Variants in MERTK observed in about 807,000 individuals in gnomAD.
MERTK encodes tyrosine-protein kinase Mer.
MERTK carries 69 observed loss-of-function variants against 99.3 expected under a neutral mutation model. The ratio of observed to expected loss-of-function variants is 0.70; its 90% CI spans 0.57 to 0.85. The LOEUF (loss-of-function observed/expected upper bound fraction) is 0.85, where lower values mean the gene tolerates loss of function less well. Ranked by LOEUF, MERTK falls within the 40% of genes least tolerant of loss-of-function variation. The pLI, the probability that MERTK is intolerant of heterozygous loss-of-function variation, is 0.00. For synonymous variants in MERTK, 426 were observed against 467.6 expected, an observed-to-expected ratio of 0.91 and a Z score of 1.15; for missense variants, 1,125 against 1,249.4, an observed-to-expected ratio of 0.90 and a Z score of 1.50.
chr2:112,008,979 A>G (rs1382681210), intron 14 of MERTK, among the ~76,000 whole-genome samples: 2 of 152,230 alleles, frequency 1.3e-5, no homozygotes, highest in Admixed American at 1.3e-4. Context: ...GATTTAACGT[A>G]ATTTGGCTTT....
intron 1 of MERTK, among the ~76,000 whole-genome samples, chr2:111,920,258 C>G (rs1002433619): frequency 6.6e-6 from 1 of 152,214 alleles, no homozygotes; most frequent in Non-Finnish European, 1.5e-5. Context: ...TGGGCTTTCA[C>G]TGGCACTTGG....
chr2:111,945,858 G>A (rs189835103), intron 3 of MERTK, among the ~76,000 whole-genome samples: 1 of 152,194 alleles, frequency 6.6e-6, no homozygotes, highest in African/African-American at 2.4e-5. Flanking sequence ...TCCCTCTGGG[G>A]GCCTTGTGCC....
At chr2:111,916,085 G>C (rs1386172522) in intron 1 of MERTK, among the ~76,000 whole-genome samples, 1 of 152,110 alleles carries the variant, frequency 6.6e-6, no homozygotes, top group Non-Finnish European at 1.5e-5. Flanking sequence ...TTGTTGGGAA[G>C]AGTGTTCTAT....
intron 13 of MERTK, among the ~76,000 whole-genome samples, chr2:112,006,987 C>A: frequency 6.6e-6 from 1 of 151,012 alleles, no homozygotes; most frequent in South Asian, 2.1e-4. Context: ...ACCCTGTTAA[C>A]GCAAATTCCC....
chr2:111,957,702 C>G (rs567895429), intron 4 of MERTK, among the ~76,000 whole-genome samples: 6 of 152,196 alleles, frequency 3.9e-5, no homozygotes, highest in African/African-American at 1.4e-4. Context: ...GCTTGTAGTA[C>G]ATACTCAGTA....
intron 1 of MERTK, among the ~76,000 whole-genome samples, chr2:111,928,002 G>A (rs1157179175): frequency 1.3e-5 from 2 of 152,066 alleles, no homozygotes; most frequent in Admixed American, 6.6e-5. Flanking sequence ...ATGCCACTCA[G>A]AAAGCTAAAA....
chr2:111,971,519 C>G (rs1321095495), intron 6 of MERTK, among the ~76,000 whole-genome samples: 5 of 152,020 alleles, frequency 3.3e-5, no homozygotes, highest in South Asian at 2.1e-4. Context: ...TGTTGTTGTT[C>G]ATCTCAAGTT....
intron 6 of MERTK, among the ~76,000 whole-genome samples, chr2:111,969,349 A>G (rs1344773657): frequency 6.6e-6 from 1 of 152,176 alleles, no homozygotes; most frequent in Non-Finnish European, 1.5e-5. Flanking sequence ...CTCAGGAGGG[A>G]CATCGCATCT....
At chr2:111,899,501 C>G (rs534534107) in intron 1 of MERTK, among the ~76,000 whole-genome samples, 2 of 151,992 alleles carry the variant, frequency 1.3e-5, no homozygotes, top group African/African-American at 2.4e-5. Context: ...CTGGATTCAG[C>G]GAAGTGTTGT....
chr2:111,944,903 A>C (rs572274461), intron 2 of MERTK, 57 bp from the exon 3 acceptor site: 9 of 1,409,378 alleles, frequency 6.4e-6, no homozygotes, highest in Non-Finnish European at 9.0e-6. Context: ...TTTCCATCCT[A>C]TAATAGGAAC....
intron 2 of MERTK, among the ~76,000 whole-genome samples, chr2:111,939,927 T>G (rs1361491906): frequency 6.6e-6 from 1 of 152,122 alleles, no homozygotes; most frequent in African/African-American, 2.4e-5. Context: ...TTATCAGTAC[T>G]GATATTCATT....
chr2:112,008,402 G>T lies in MERTK; in HGVS notation c.1887G>T (p.Arg629=). Residue 629 remains arginine, a synonymous_variant, in exon 14 of 19, where the codon CGG becomes CGT. Transcript: ENST00000295408. ...CTCTAGTGGACAACTCTTCACAGCG[G>T]GAGATCGAGGAGTTTCTCAGTGAGG... ...KTMKLDNSSQ[R]EIEEFLSEAA... 1 of 1,613,760 alleles carries T rather than the reference G, an allele frequency of 6.2e-7. No homozygotes were observed. Among genetic ancestry groups the T allele is most frequent in the Non-Finnish European group, 8.5e-7 (1 of 1,179,716 alleles).
intron 1 of MERTK, among the ~76,000 whole-genome samples, chr2:111,910,591 A>G (rs1573563048): frequency 7.1e-6 from 1 of 141,214 alleles, no homozygotes; most frequent in African/African-American, 2.6e-5. Context: ...TTAAAAAAAA[A>G]GTGTGTGTGT....
chr2:111,958,247 AG>A (rs971797873), intron 4 of MERTK, among the ~76,000 whole-genome samples: 22 of 152,078 alleles, frequency 1.4e-4, no homozygotes, highest in African/African-American at 5.1e-4. Context: ...GAAAGTCACA[AG>A]GGTTTGGGGC....
chr2:111,911,689 C>CT lies in MERTK; in HGVS notation c.61+12920dup, dbSNP rs34867670. ...ACAGGCATGAGCCATAGCGCCCAGCCTTTTTTTTTTTTTTTTTTTTTTTTT... is the reference window on the plus strand; with the variant it reads ...ACAGGCATGAGCCATAGCGCCCAGCCTTTTTTTTTTTTTTTTTTTTTTTTTT... On this transcript the variant is annotated intron_variant, in intron 1 of 18. Coordinates refer to ENST00000295408, the MANE Select transcript of MERTK (RefSeq NM_006343.3). Among the ~76,000 whole-genome samples the CT allele has an allele frequency of 3.4e-3, 195 of 57,736 alleles. 15 individuals are homozygous for CT. Among genetic ancestry groups the CT allele is most frequent in the Middle Eastern group, 0.016 (1 of 64 alleles). 37.9% of individuals were successfully genotyped at this position (57,736 alleles called of 152,430 possible).
At chr2:111,957,991 C>T (rs954104002) in intron 4 of MERTK, among the ~76,000 whole-genome samples, 1 of 152,116 alleles carries the variant, frequency 6.6e-6, no homozygotes, top group Admixed American at 6.5e-5. Flanking sequence ...CTGAATGTTC[C>T]TTAAAAATAT....
Position 112,008,412 on chromosome 2 carries a change from GA to G in MERTK, c.1898del (p.Glu633GlyfsTer9). 1 of 1,614,046 alleles carries G rather than the reference GA, an allele frequency of 6.2e-7. No individual in the cohort carries two copies. The highest frequency in any genetic ancestry group is 8.5e-7 in the Non-Finnish European group (1 of 1,179,958). ...LDNSSQREIE[E>X]FLSEAACMKD... ...CAACTCTTCACAGCGGGAGATCGAG[GA>G]GTTTCTCAGTGAGGCAGCGTGCATG... On this transcript the variant is annotated frameshift_variant, in exon 14 of 19. Coordinates refer to ENST00000295408, the MANE Select transcript of MERTK (RefSeq NM_006343.3). LOFTEE classifies it high-confidence loss of function.
chr2:112,011,122 C>T (rs1677093919), intron 15 of MERTK, among the ~76,000 whole-genome samples: 1 of 152,218 alleles, frequency 6.6e-6, no homozygotes, highest in Non-Finnish European at 1.5e-5. Context: ...ATGAGGACCG[C>T]TGAGTGCAGT....
At chr2:112,026,245 A>G (rs772802565) in intron 18 of MERTK, 1 of 153,550 alleles carries the variant, frequency 6.5e-6, no homozygotes, top group Admixed American at 6.5e-5. Flanking sequence ...TTATATTTTT[A>G]TACATTTGAT....
Sources: gnomAD v4.1 joint callset for allele counts (sites outside exome capture counted in the v4.1 genomes callset) on GRCh38, gnomAD v4.1.1 for gene constraint, MANE v1.5 for transcripts, NCBI Gene and HGNC (gene_info 2026-07-23, HGNC 2026-07-21) for gene names.